The following AKAP12 variants were observed in gnomAD, a reference collection of about 807,000 sequenced individuals.
The protein encoded by AKAP12 is A-kinase anchor protein 12.
AKAP12 carries 32 observed loss-of-function variants against 79.9 expected under a neutral mutation model. The observed-to-expected ratio is 0.40, with a 90% CI of 0.30 to 0.54. The LOEUF (loss-of-function observed/expected upper bound fraction) is 0.54, where lower values mean the gene tolerates loss of function less well. Ranked by LOEUF, AKAP12 falls within the 20% of genes least tolerant of loss-of-function variation. The probability of loss-of-function intolerance (pLI) is 0.48; values close to 1 mark genes in which losing one functional copy is unlikely to be tolerated. For missense variants in AKAP12, 2,074 were observed against 2,177.0 expected (o/e 0.95, Z 0.94); for synonymous variants, 808 against 857.0 (o/e 0.94, Z 1.00).
In AKAP12 at chr6:151,348,788, G is replaced by C; in HGVS notation, c.397G>C (p.Asp133His). ...GGCTACTAAGTCAGCGGTTGTTCAC[G>C]ACATCACAGATGATGGGCAGGAGGA... ...EMATKSAVVH[D>H]ITDDGQEETP... is the part of the protein sequence containing the mutation. The change falls in exon 4 of 5, where the codon GAC (aspartate) becomes CAC (histidine). Residue 133 changes from aspartate (D) to histidine (H), a missense_variant. Asp to His is a moderately conservative substitution (Grantham distance 81). Transcript: ENST00000402676. The C allele has an allele frequency of 6.3e-7, 1 of 1,597,186 alleles. No individual in the cohort carries two copies. Among genetic ancestry groups the C allele is most frequent in the Non-Finnish European group, 8.5e-7 (1 of 1,170,794 alleles).
At chr6:151,303,124 C>T (rs368202245) in intron 2 of AKAP12, among the ~76,000 whole-genome samples, 1 of 152,016 alleles carries the variant, frequency 6.6e-6, no homozygotes, top group African/African-American at 2.4e-5. Context: ...ACCCAAAAGG[C>T]GGATGTTGCA....
chr6:151,260,850 AGT>A (rs1379711278), intron 2 of AKAP12, among the ~76,000 whole-genome samples: 1 of 151,634 alleles, frequency 6.6e-6, no homozygotes, highest in African/African-American at 2.4e-5. Flanking sequence ...AAATTAGCTG[AGT>A]GTGGTGGTGC....
chr6:151,268,965 T>A (rs1445416454), intron 2 of AKAP12, among the ~76,000 whole-genome samples: 1 of 140,138 alleles, frequency 7.1e-6, no homozygotes, highest in South Asian at 2.3e-4. Flanking sequence ...TTTTTTTTTT[T>A]TTTTTTTTTT....
chr6:151,246,831 G>C (rs1407203853), intron 2 of AKAP12, among the ~76,000 whole-genome samples: 4 of 152,074 alleles, frequency 2.6e-5, no homozygotes, highest in Admixed American at 1.3e-4. Context: ...GTGCAATCTT[G>C]GTTTACTGCA....
intron 3 of AKAP12, among the ~76,000 whole-genome samples, chr6:151,345,704 G>A (rs1778075096): frequency 6.6e-6 from 1 of 151,380 alleles, no homozygotes; most frequent in Non-Finnish European, 1.5e-5. Flanking sequence ...GGCTGAGGCA[G>A]GAGAATCGCT....
At position 151,351,034 on chromosome 6, in the gene AKAP12, C is replaced by T; in HGVS notation, c.2643C>T (p.Ser881=). The part of the protein sequence containing the change: ...QPEQKAATEV[S]KELSESQVHM... ...AGCAGAAGGCAGCCACTGAGGTGTCCAAGGAGCTCAGCGAGAGTCAGGTTC... is the reference window on the plus strand; with the variant it reads ...AGCAGAAGGCAGCCACTGAGGTGTCTAAGGAGCTCAGCGAGAGTCAGGTTC... Residue 881 remains serine, a synonymous_variant, in exon 4 of 5, where the codon TCC becomes TCT. Coordinates refer to ENST00000402676, the MANE Select transcript of AKAP12 (RefSeq NM_005100.4). This position sits in a 1 kb window ranked among gnomAD's most constrained non-coding sequence, Gnocchi z 4.4. The T allele has an allele frequency of 1.2e-6, 2 of 1,614,056 alleles. No homozygotes were observed. The highest frequency in any genetic ancestry group is 1.7e-6 in the Non-Finnish European group (2 of 1,180,002).
Position 151,352,581 on chromosome 6 carries a change from C to T in AKAP12, c.4190C>T (p.Pro1397Leu). The change falls in exon 4 of 5, where the codon CCT (proline) becomes CTT (leucine). Residue 1397 changes from proline (P) to leucine (L), a missense_variant. By Grantham distance (98) the Pro-to-Leu change is moderately conservative. This residue lies in a region of AKAP12 where 614 missense variants were observed against 665.6 expected (regional missense o/e 0.92). Transcript: ENST00000402676. ...GTCAGCAGTTTGGAAGGAAGCCCTC[C>T]TCCCTGCCTAGGTCAAGAGGAGGCA... ...KEVSSLEGSP[P>L]PCLGQEEAVC... The T allele has an allele frequency of 6.2e-7, 1 of 1,614,166 alleles. No individual in the cohort carries two copies.
chr6:151,258,484 T>A (rs924145967), intron 2 of AKAP12, among the ~76,000 whole-genome samples: 2 of 152,184 alleles, frequency 1.3e-5, no homozygotes, highest in Non-Finnish European at 2.9e-5. Flanking sequence ...ATTCTGAGAC[T>A]GTAACTAAAC....
chr6:151,339,838 G>C (rs969842155), intron 3 of AKAP12, among the ~76,000 whole-genome samples: 5 of 152,082 alleles, frequency 3.3e-5, no homozygotes, highest in Admixed American at 6.6e-5. Context: ...ATCATACATT[G>C]TGTATCTTCC....
chr6:151,314,105 G>A (rs1777184031), intron 3 of AKAP12, among the ~76,000 whole-genome samples: 1 of 148,970 alleles, frequency 6.7e-6, no homozygotes, highest in African/African-American at 2.5e-5. Flanking sequence ...TCAGCTCACT[G>A]CAACCTCTGC....
chr6:151,342,911 C>T (rs541327573), intron 3 of AKAP12, among the ~76,000 whole-genome samples: 30 of 152,206 alleles, frequency 2.0e-4, no homozygotes, highest in Non-Finnish European at 3.2e-4. Flanking sequence ...TACAGGCATG[C>T]GCCACCATGC....
chr6:151,331,871 C>T (rs370751168), intron 3 of AKAP12, among the ~76,000 whole-genome samples: 142 of 131,832 alleles, frequency 1.1e-3, no homozygotes, highest in African/African-American at 4.2e-3. Context: ...GACGACAGAG[C>T]GAGACTCCGT....
chr6:151,352,235 G>C lies in AKAP12; in HGVS notation c.3844G>C (p.Glu1282Gln), dbSNP rs368517285. Residue 1282 changes from glutamate to glutamine, a missense_variant, in exon 4 of 5, where the codon GAA becomes CAA. This residue lies in a region of AKAP12 where 614 missense variants were observed against 665.6 expected (regional missense o/e 0.92). Transcript: ENST00000402676. Reference protein sequence around the residue: ...DEKTKDVPFFEGLEGSIDTGI... With the variant: ...DEKTKDVPFFQGLEGSIDTGI... ...GAAAACCAAAGACGTACCATTTTTC[G>C]AAGGACTTGAGGGGTCTATAGACAC... The C allele has an allele frequency of 5.0e-6, 8 of 1,614,124 alleles. No homozygotes were observed. In the Admixed American group the frequency reaches 1.3e-4, roughly 27 times the overall value.
At chr6:151,273,858 G>T (rs550680347) in intron 2 of AKAP12, among the ~76,000 whole-genome samples, 1 of 151,886 alleles carries the variant, frequency 6.6e-6, no homozygotes. Context: ...TGAAAACTCC[G>T]TCTCTACTAA....
intron 3 of AKAP12, among the ~76,000 whole-genome samples, chr6:151,346,267 T>C (rs995765989): frequency 5.3e-5 from 8 of 152,132 alleles, no homozygotes; most frequent in African/African-American, 1.9e-4. Context: ...ACTTGACTTT[T>C]CCCCTCAGTG....
At chr6:151,343,559 G>A (rs190151846) in intron 3 of AKAP12, among the ~76,000 whole-genome samples, 3 of 152,246 alleles carry the variant, frequency 2.0e-5, no homozygotes, top group East Asian at 1.9e-4. Context: ...TGAGGCAGGC[G>A]GATCACCTGA....
intron 2 of AKAP12, among the ~76,000 whole-genome samples, chr6:151,271,182 C>T (rs1776172692): frequency 6.6e-6 from 1 of 152,130 alleles, no homozygotes; most frequent in Non-Finnish European, 1.5e-5. Flanking sequence ...CTCCTGTTTG[C>T]ATCCTTTTTG....
chr6:151,308,036 G>A (rs1042701663), intron 3 of AKAP12, among the ~76,000 whole-genome samples: 3 of 151,070 alleles, frequency 2.0e-5, no homozygotes, highest in Admixed American at 1.3e-4. Context: ...CACCACACCT[G>A]GCTAATTTTT....
intron 2 of AKAP12, among the ~76,000 whole-genome samples, chr6:151,282,818 G>C (rs981317732): frequency 6.6e-6 from 1 of 152,148 alleles, no homozygotes; most frequent in African/African-American, 2.4e-5. Flanking sequence ...CAATGTTCAG[G>C]CTGGTCAAAC....
Sources: gnomAD v4.1 joint callset for allele counts (sites outside exome capture counted in the v4.1 genomes callset) on GRCh38, gnomAD v4.1.1 for gene constraint, gnomAD v4.1.1 regional missense constraint, Gnocchi (gnomAD v3.1) non-coding constraint, MANE v1.5 for transcripts, NCBI Gene and HGNC (gene_info 2026-07-23, HGNC 2026-07-21) for gene names.